Variants in FBXL4 observed in about 807,000 individuals in gnomAD.
The protein encoded by FBXL4 is F-box/LRR-repeat protein 4.
FBXL4 carries 40 observed loss-of-function variants against 58.9 expected under a neutral mutation model. The observed-to-expected ratio is 0.68, with a 90% CI of 0.53 to 0.88. The LOEUF (loss-of-function observed/expected upper bound fraction) is 0.88, where lower values mean the gene tolerates loss of function less well. Ranked by LOEUF, FBXL4 falls within the 40% of genes least tolerant of loss-of-function variation. The pLI is 0.00. For missense variants in FBXL4, 676 were observed against 734.4 expected, an observed-to-expected ratio of 0.92 and a Z score of 0.92; for synonymous variants, 263 against 265.5, an observed-to-expected ratio of 0.99 and a Z score of 0.09.
At chr6:98,884,350 A>G (rs1280411273) in intron 7 of FBXL4, among the ~76,000 whole-genome samples, 1 of 152,152 alleles carries the variant, frequency 6.6e-6, no homozygotes, top group Admixed American at 6.5e-5. Context: ...CTATCATTAT[A>G]AATGGGGAAT....
At chr6:98,915,559 A>G (rs1772307832) in intron 5 of FBXL4, among the ~76,000 whole-genome samples, 1 of 151,484 alleles carries the variant, frequency 6.6e-6, no homozygotes, top group Non-Finnish European at 1.5e-5. Flanking sequence ...GAGAAAAACA[A>G]GCAATGGGGA....
intron 6 of FBXL4, among the ~76,000 whole-genome samples, chr6:98,901,910 T>C (rs1446670783): frequency 1.3e-5 from 2 of 152,306 alleles, no homozygotes; most frequent in East Asian, 3.9e-4. Flanking sequence ...TATTTTTTTA[T>C]ACTGAAGGTT....
chr6:98,916,013 A>T (rs1772329639), intron 5 of FBXL4, among the ~76,000 whole-genome samples: 1 of 152,260 alleles, frequency 6.6e-6, no homozygotes, highest in Non-Finnish European at 1.5e-5. Context: ...GAAGGATATG[A>T]ACAGACACTT....
At chr6:98,917,292 G>T in intron 5 of FBXL4, 82 bp downstream of exon 5, 2 of 950,418 alleles carry the variant, frequency 2.1e-6, no homozygotes, top group Non-Finnish European at 3.1e-6. Flanking sequence ...CTCAATTACC[G>T]ATGCTCAGTA....
At chr6:98,911,153 C>A (rs1323772514) in intron 5 of FBXL4, among the ~76,000 whole-genome samples, 2 of 152,214 alleles carry the variant, frequency 1.3e-5, no homozygotes, top group Non-Finnish European at 2.9e-5. Flanking sequence ...CCCAGGCTCA[C>A]TTAGGTAAAC....
intron 4 of FBXL4, among the ~76,000 whole-genome samples, chr6:98,920,175 CATAA>C (rs1772525873): frequency 6.6e-6 from 1 of 152,036 alleles, no homozygotes; most frequent in East Asian, 1.9e-4. Context: ...TTGATTAGAA[CATAA>C]ATATTCAATT....
Position 98,868,539 on chromosome 6 carries a change from G to A in FBXL4, c.*5739C>T, listed in dbSNP as rs1444941306. On this transcript the variant is annotated 3_prime_UTR_variant, in exon 10 of 10. Transcript: ENST00000369244. Reference sequence around the variant, plus strand: ...TGATCAATTTTGAAAGTGAACTAATGAGATACTCAAACTTATTTTATTACT... The same window carrying A: ...TGATCAATTTTGAAAGTGAACTAATAAGATACTCAAACTTATTTTATTACT... The A allele has an allele frequency of 6.6e-6, 1 of 152,006 alleles. No homozygotes were observed. The highest frequency in any genetic ancestry group is 1.5e-5 in the Non-Finnish European group (1 of 68,008). The allele number at this position is 152,006 out of a possible 1,614,324, so 9.4% of individuals were successfully genotyped here.
At chr6:98,928,641 T>G (rs1772885636) in intron 2 of FBXL4, among the ~76,000 whole-genome samples, 1 of 152,124 alleles carries the variant, frequency 6.6e-6, no homozygotes, top group African/African-American at 2.4e-5. Flanking sequence ...CAACTTTTCT[T>G]TAATAGAGCA....
chr6:98,907,204 C>A (rs1409602113), intron 5 of FBXL4, among the ~76,000 whole-genome samples: 3 of 152,146 alleles, frequency 2.0e-5, no homozygotes, highest in African/African-American at 7.2e-5. Context: ...AGTCTAGTGG[C>A]AAAGACTGTG....
intron 1 of FBXL4, among the ~76,000 whole-genome samples, chr6:98,944,704 GT>G (rs1312387458): frequency 6.6e-6 from 1 of 152,118 alleles, no homozygotes; most frequent in Non-Finnish European, 1.5e-5. Flanking sequence ...TGTTTACCAT[GT>G]GGGAAAATAA....
chr6:98,937,426 T>C (rs929367618), intron 1 of FBXL4, among the ~76,000 whole-genome samples: 1 of 152,244 alleles, frequency 6.6e-6, no homozygotes, highest in Non-Finnish European at 1.5e-5. Flanking sequence ...TTATATAATT[T>C]ATGCTTATAA....
In FBXL4 at chr6:98,917,494, T is replaced by C. The variant is rs1311869306; in HGVS notation, c.738A>G (p.Ile246Met). The C allele has an allele frequency of 1.2e-6, 2 of 1,613,980 alleles. No individual in the cohort carries two copies. Among genetic ancestry groups the C allele is most frequent in the Non-Finnish European group, 1.7e-6 (2 of 1,179,952 alleles). Residue 246 changes from isoleucine to methionine, a missense_variant, in exon 5 of 10, where the codon ATA (isoleucine) becomes ATG (methionine). Coordinates refer to ENST00000369244, the MANE Select transcript of FBXL4 (RefSeq NM_001278716.2). ...CCTTTTCTGCATAGGCATCATCTTC[T>C]ATATCATTCATGTCAATAAGTGAAG... The part of the protein sequence containing the change: ...LKTSLIDMND[I>M]EDDAYAEKDG...
At chr6:98,914,831 G>A (rs1265702780) in intron 5 of FBXL4, among the ~76,000 whole-genome samples, 1 of 152,150 alleles carries the variant, frequency 6.6e-6, no homozygotes, top group Non-Finnish European at 1.5e-5. Flanking sequence ...CAATTAGGCA[G>A]GAGAAGGAAA....
chr6:98,897,301 T>G, intron 7 of FBXL4: 1 of 985,218 alleles, frequency 1.0e-6, no homozygotes, highest in Non-Finnish European at 1.2e-6. Context: ...TAGCTAGCAA[T>G]TTTATACCCA....
chr6:98,889,678 C>CAAAAAA (rs34182678), intron 7 of FBXL4, among the ~76,000 whole-genome samples: 3 of 72,154 alleles, frequency 4.2e-5, no homozygotes, highest in African/African-American at 1.1e-4. Flanking sequence ...CACCCTGTCT[C>CAAAAAA]AAAAAAAAAA....
At position 98,875,358 on chromosome 6, in the gene FBXL4, T is replaced by C. The variant is rs771368076; in HGVS notation, c.1702+57A>G. On this transcript the variant is annotated intron_variant, in intron 9 of 9. Coordinates refer to ENST00000369244, the MANE Select transcript of FBXL4 (RefSeq NM_001278716.2). Reference sequence around the variant, plus strand: ...TTTTTCCTAACAAAAAGTCTGAGATTGGCTTTTCTGTCAAGGAAACAGACA... The same window carrying C: ...TTTTTCCTAACAAAAAGTCTGAGATCGGCTTTTCTGTCAAGGAAACAGACA... 2.5e-6 allele frequency: 4 copies of C among 1,569,854 alleles called. No individual in the cohort carries two copies. In the South Asian group the frequency reaches 4.5e-5, roughly 18 times the overall value.
chr6:98,922,272 T>C (rs1772613298), intron 4 of FBXL4, among the ~76,000 whole-genome samples: 1 of 152,220 alleles, frequency 6.6e-6, no homozygotes. Context: ...ATGAGGAGAC[T>C]TTAAGATCTG....
intron 8 of FBXL4, 94 bp downstream of exon 8, chr6:98,880,459 G>T (rs1219822315): frequency 1.1e-6 from 1 of 933,484 alleles, no homozygotes; most frequent in Non-Finnish European, 1.7e-6. Context: ...AACTGTGGGT[G>T]TGTGTGGGGT....
At position 98,890,310 on chromosome 6, in the gene FBXL4, TACAG is replaced by T. The variant is rs532616697; in HGVS notation, c.1317+8954_1317+8957del. On this transcript the variant is annotated intron_variant, in intron 7 of 9. Transcript: ENST00000369244. Reference sequence around the variant, plus strand: ...AGGGATAGGTAACAAGTGTACATATTACAGACAAAGACTAGCTAAAATATAGACT... The same window carrying T: ...AGGGATAGGTAACAAGTGTACATATTACAAAGACTAGCTAAAATATAGACT... Among the ~76,000 whole-genome samples, 76 of 152,282 alleles carry T rather than the reference TACAG, an allele frequency of 5.0e-4. 1 individual carries two copies. In the Middle Eastern group the frequency reaches 0.01, roughly 20 times the overall value.
Sources: gnomAD v4.1 joint callset for allele counts (sites outside exome capture counted in the v4.1 genomes callset) on GRCh38, gnomAD v4.1.1 for gene constraint, MANE v1.5 for transcripts, NCBI Gene and HGNC (gene_info 2026-07-23, HGNC 2026-07-21) for gene names.